The following MYO19 variants were observed in gnomAD, a reference collection of about 807,000 sequenced individuals.
MYO19 encodes myosin XIX, also known as unconventional myosin-XIX.
Under a neutral mutation model 129.2 loss-of-function variants are expected in MYO19, and 132 were observed. The ratio of observed to expected loss-of-function variants is 1.02; its 90% CI spans 0.89 to 1.18. The LOEUF (loss-of-function observed/expected upper bound fraction) is 1.18, where lower values mean the gene tolerates loss of function less well. MYO19 is among the 50% of genes most tolerant of loss of function. The probability of loss-of-function intolerance (pLI) is 0.00; values close to 1 mark genes in which losing one functional copy is unlikely to be tolerated. For synonymous variants in MYO19, 531 were observed against 477.2 expected, an observed-to-expected ratio of 1.11 and a Z score of -1.47; for missense variants, 1,210 against 1,216.7, an observed-to-expected ratio of 0.99 and a Z score of 0.08.
At chr17:36,522,948 G>T (rs571870934) in intron 6 of MYO19, among the ~76,000 whole-genome samples, 2 of 151,548 alleles carry the variant, frequency 1.3e-5, no homozygotes, top group Non-Finnish European at 1.5e-5. Context: ...AGAAGTTGCA[G>T]TGAGCCAAGA....
At position 36,524,920 on chromosome 17, in the gene MYO19, T is replaced by C. The variant is rs141450901; in HGVS notation, c.414+308A>G. ...TATGCTGGAATCCCCAGCAGCTGAC[T>C]TTTGTTTCCAGTAGTGTCAAGAGCT... On this transcript the variant is annotated intron_variant, in intron 6 of 25. Transcript: ENST00000614623. 1.2e-4 allele frequency among the ~76,000 whole-genome samples: 18 copies of C among 152,352 alleles called. 1 individual carries two copies. Among genetic ancestry groups the C allele is most frequent in the African/African-American group, 4.3e-4 (18 of 41,590 alleles).
At chr17:36,536,944 T>G, upstream of MYO19, 1 of 629,322 alleles carries the variant, frequency 1.6e-6, no homozygotes, top group Non-Finnish European at 2.7e-6. Context: ...CCACAATCCT[T>G]GGAAGGGGAA....
upstream of MYO19, chr17:36,537,799 G>C (rs766446530): frequency 6.2e-7 from 1 of 1,614,090 alleles, no homozygotes; most frequent in Non-Finnish European, 8.5e-7. Flanking sequence ...ACAGAGTATG[G>C]AGTTCACTGG....
intron 5 of MYO19, 24 bp from the exon 6 acceptor site, chr17:36,525,365 TC>T (rs1269140693): frequency 6.6e-7 from 1 of 1,525,294 alleles, no homozygotes; most frequent in Non-Finnish European, 9.1e-7. Flanking sequence ...GAGTGAAAGG[TC>T]ATGTGAGGGA....
At chr17:36,522,809 C>T (rs1025716913) in intron 6 of MYO19, among the ~76,000 whole-genome samples, 1 of 152,028 alleles carries the variant, frequency 6.6e-6, no homozygotes, top group South Asian at 2.1e-4. Flanking sequence ...AGATCGAGAC[C>T]ATCCTGGCTA....
chr17:36,528,007 C>A (rs2073586214), intron 4 of MYO19, 57 bp downstream of exon 4: 4 of 1,582,010 alleles, frequency 2.5e-6, no homozygotes, highest in Non-Finnish European at 3.5e-6. Flanking sequence ...GCTGACTACT[C>A]TCATTACACC....
intron 6 of MYO19, among the ~76,000 whole-genome samples, chr17:36,517,538 C>T (rs527726018): frequency 6.6e-5 from 10 of 152,252 alleles, no homozygotes; most frequent in African/African-American, 2.4e-4. Flanking sequence ...GGATTACAGG[C>T]GTGAGCCACT....
At chr17:36,530,601 C>T (rs1322093996) in intron 3 of MYO19, among the ~76,000 whole-genome samples, 1 of 150,638 alleles carries the variant, frequency 6.6e-6, no homozygotes, top group African/African-American at 2.5e-5. Context: ...GGACTACAGG[C>T]ACGCGTAAAA....
Position 36,499,065 on chromosome 17 carries a change from TCTTA to T in MYO19, c.2463+6_2463+9del, listed in dbSNP as rs574930249. On this transcript the variant is annotated splice_donor_region_variant and intron_variant, in intron 24 of 25. Transcript: ENST00000614623. ...CCACTGCCCACCCCGACTTCTTGGG[TCTTA>T]CTTACTCTCCACTTCTGCCATGCAC... 3.0e-4 allele frequency: 475 copies of T among 1,599,776 alleles called. 2 individuals are homozygous for T. The highest frequency in any genetic ancestry group is 1.7e-3 in the Middle Eastern group (10 of 6,028).
chr17:36,507,597 C>A, intron 15 of MYO19, 85 bp from the exon 16 acceptor site: 1 of 1,422,166 alleles, frequency 7.0e-7, no homozygotes, highest in East Asian at 2.3e-5. Flanking sequence ...CTCGGTACCA[C>A]AGCGTATTCC....
chr17:36,526,958 T>C (rs192004008), intron 5 of MYO19, among the ~76,000 whole-genome samples: 1 of 152,104 alleles, frequency 6.6e-6, no homozygotes, highest in Non-Finnish European at 1.5e-5. Flanking sequence ...GGTGGGTAGA[T>C]CACCTGATGT....
At position 36,510,734 on chromosome 17, in the gene MYO19, G is replaced by GT; in HGVS notation, c.1157+11dup. 1 of 1,586,116 alleles carries GT rather than the reference G, an allele frequency of 6.3e-7. No individual in the cohort carries two copies. The highest frequency in any genetic ancestry group is 1.1e-5 in the South Asian group (1 of 87,828). On this transcript the variant is annotated intron_variant, in intron 13 of 25. Coordinates refer to ENST00000614623, the MANE Select transcript of MYO19 (RefSeq NM_001163735.2). ...GGGTCCTCCCCAACAAGGGGCCAGA[G>GT]TAACTGCTCACCGCGCATAGATCAG...
At chr17:36,517,776 G>A (rs974463866) in intron 6 of MYO19, among the ~76,000 whole-genome samples, 5 of 152,002 alleles carry the variant, frequency 3.3e-5, no homozygotes, top group South Asian at 2.1e-4. Flanking sequence ...AGGGATCTTC[G>A]GGAGGTAATT....
At chr17:36,527,865 C>T (rs1370952512) in intron 4 of MYO19, among the ~76,000 whole-genome samples, 166 bp from the exon 5 acceptor site, 1 of 152,210 alleles carries the variant, frequency 6.6e-6, no homozygotes, top group African/African-American at 2.4e-5. Flanking sequence ...AGATGAGCTC[C>T]AAATCTGAAG....
In MYO19 at chr17:36,501,170, G is replaced by A. The variant is rs573333675; in HGVS notation, c.2146C>T (p.Pro716Ser). The A allele has an allele frequency of 6.2e-7, 1 of 1,614,046 alleles. No individual in the cohort carries two copies. The highest frequency in any genetic ancestry group is 8.5e-7 in the Non-Finnish European group (1 of 1,179,900). Residue 716 changes from proline (P) to serine (S), a missense_variant, in exon 22 of 26, where the codon CCG becomes TCG. Coordinates refer to ENST00000614623, the MANE Select transcript of MYO19 (RefSeq NM_001163735.2). ...ATGGCTGCTGCCTGAGTTAGGACCG[G>A]CAGAGTGTGGAGAATGTCCTGGATG... ...PLIQDILHTLPVLTQAAAITG... is the reference protein window; with the variant it reads ...PLIQDILHTLSVLTQAAAITG...
upstream of MYO19, among the ~76,000 whole-genome samples, chr17:36,543,878 C>T (rs1435589044): frequency 6.6e-6 from 1 of 151,976 alleles, no homozygotes; most frequent in Non-Finnish European, 1.5e-5. Flanking sequence ...CCACCCACCT[C>T]GGCCTCCCAA....
chr17:36,533,548 T>C (rs1163746738), intron 2 of MYO19: 1 of 152,174 alleles, frequency 6.6e-6, no homozygotes, highest in Non-Finnish European at 1.5e-5. Flanking sequence ...GTGGAGACTT[T>C]CTTGAGGCTC....
At chr17:36,523,835 T>C (rs957760246) in intron 6 of MYO19, among the ~76,000 whole-genome samples, 6 of 152,160 alleles carry the variant, frequency 3.9e-5, no homozygotes, top group Admixed American at 1.3e-4. Flanking sequence ...AAAATACGGA[T>C]GTAAACACCC....
In MYO19 at chr17:36,495,972, C is replaced by T. The variant is rs2070932347; in HGVS notation, c.*279G>A. The T allele has an allele frequency of 4.6e-6, 4 of 866,492 alleles. No individual in the cohort carries two copies. In the African/African-American group the frequency reaches 5.2e-5, roughly 11 times the overall value. 53.7% of individuals were successfully genotyped at this position (866,492 alleles called of 1,614,324 possible). ...TAGTGACAGACAGTCATGACTGCTG[C>T]TGAGTTTGATCTGTGAAGGTAGTGA... On this transcript the variant is annotated 3_prime_UTR_variant, in exon 26 of 26. Transcript: ENST00000614623.
Sources: gnomAD v4.1 joint callset for allele counts (sites outside exome capture counted in the v4.1 genomes callset) on GRCh38, gnomAD v4.1.1 for gene constraint, MANE v1.5 for transcripts, NCBI Gene and HGNC (gene_info 2026-07-23, HGNC 2026-07-21) for gene names.